The following CERKL variants were observed in gnomAD, a reference collection of about 807,000 sequenced individuals.
The protein encoded by CERKL is ceramide kinase-like protein.
In CERKL, 61 loss-of-function variants were observed where a neutral mutation model predicts 63.4. The observed-to-expected ratio is 0.96, with a 90% CI of 0.78 to 1.19. The LOEUF (loss-of-function observed/expected upper bound fraction) is 1.19. CERKL is among the 50% of genes most tolerant of loss of function. The pLI is 0.00. For missense variants in CERKL, 675 were observed against 655.5 expected, an observed-to-expected ratio of 1.03 and a Z score of -0.33; for synonymous variants, 250 against 230.5, an observed-to-expected ratio of 1.08 and a Z score of -0.77.
rs184376027 is a variant in CERKL, at chr2:181,565,572, T to C, written c.677+486A>G. 3.5e-3 allele frequency: 4,142 copies of C among 1,179,918 alleles called. 44 individuals are homozygous for C. The highest frequency in any genetic ancestry group is 0.023 in the South Asian group (1,884 of 81,362). The allele number at this position is 1,179,918 out of a possible 1,614,324, so 73.1% of individuals were successfully genotyped here. A position where few individuals can be genotyped will look rare whatever the true frequency, so the allele number is the denominator to read the frequency against. ...ATGAGATAATTAAAATTATTTCTTA[T>C]TGTTTCTGGAAATAATGTATTTATT... On this transcript the variant is annotated intron_variant, in intron 4 of 12. Transcript: ENST00000410087.
chr2:181,548,368 A>G (rs953888852), intron 8 of CERKL, 177 bp downstream of exon 8: 1 of 604,502 alleles, frequency 1.7e-6, no homozygotes, highest in African/African-American at 1.9e-5. Context: ...GGAAAAAGAG[A>G]AAAAGGCTGA....
At chr2:181,640,187 A>C (rs1217806772) in intron 1 of CERKL, among the ~76,000 whole-genome samples, 3 of 152,262 alleles carry the variant, frequency 2.0e-5, no homozygotes, top group African/African-American at 7.2e-5. Context: ...TGCATGCCAA[A>C]AGTTTGCAAA....
intron 2 of CERKL, among the ~76,000 whole-genome samples, chr2:181,593,892 T>C (rs890714730): frequency 6.6e-6 from 1 of 151,866 alleles, no homozygotes; most frequent in Admixed American, 6.6e-5. Flanking sequence ...AAAGAATGTA[T>C]TTTTGAATCA....
At chr2:181,601,589 A>G (rs771743163) in intron 2 of CERKL, among the ~76,000 whole-genome samples, 9 of 152,168 alleles carry the variant, frequency 5.9e-5, no homozygotes, top group Non-Finnish European at 1.3e-4. Flanking sequence ...AAATTTTTTA[A>G]AAGTGCCAGT....
Position 181,616,427 on chromosome 2 carries a change from C to T in CERKL, c.239-12348G>A, listed in dbSNP as rs113212543. The stretch of plus-strand genomic sequence containing the variant: ...CGGTGTTTCACTGTGTTAGCCAGGA[C>T]GGTCTCAATCTCCTGACCTCGTGAT... On this transcript the variant is annotated intron_variant, in intron 1 of 12. Coordinates refer to ENST00000410087, the MANE Select transcript of CERKL (RefSeq NM_201548.5). Among the ~76,000 whole-genome samples, 311 of 151,848 alleles carry T rather than the reference C, an allele frequency of 2.0e-3. 1 individual carries two copies. Among genetic ancestry groups the T allele is most frequent in the Admixed American group, 4.7e-3 (71 of 15,254 alleles).
At chr2:181,541,899 T>G (rs1033300119) in intron 11 of CERKL, among the ~76,000 whole-genome samples, 4 of 152,200 alleles carry the variant, frequency 2.6e-5, no homozygotes, top group Non-Finnish European at 5.9e-5. Flanking sequence ...TGTAGACATG[T>G]TGGCCTCCAG....
intron 11 of CERKL, among the ~76,000 whole-genome samples, chr2:181,543,983 C>CAAAAAAAAAAAAAAAAA (rs11450338): frequency 8.5e-6 from 1 of 118,214 alleles, no homozygotes; most frequent in African/African-American, 3.2e-5. Context: ...GGCTCTAACT[C>CAAAAAAAAAAAAAAAAA]AAAAAAAAAA....
intron 2 of CERKL, among the ~76,000 whole-genome samples, chr2:181,595,300 A>G (rs1274932349): frequency 6.6e-6 from 1 of 152,164 alleles, no homozygotes; most frequent in East Asian, 1.9e-4. Flanking sequence ...AGAAATCTCA[A>G]TAATAGCAAC....
chr2:181,575,923 G>C (rs1239384217), intron 2 of CERKL, among the ~76,000 whole-genome samples: 3 of 152,124 alleles, frequency 2.0e-5, no homozygotes, highest in Non-Finnish European at 4.4e-5. Context: ...ATCAGCAACA[G>C]AGTTCACCTC....
intron 3 of CERKL, among the ~76,000 whole-genome samples, chr2:181,572,788 T>TTTTTTTC (rs1688964682): frequency 6.6e-6 from 1 of 150,840 alleles, no homozygotes; most frequent in Non-Finnish European, 1.5e-5. Context: ...TGCTTTTTTT[T>TTTTTTTC]TTTTTTTGAA....
At chr2:181,590,858 A>C (rs1249424264) in intron 2 of CERKL, among the ~76,000 whole-genome samples, 1 of 152,196 alleles carries the variant, frequency 6.6e-6, no homozygotes, top group Non-Finnish European at 1.5e-5. Flanking sequence ...AACCCCATGG[A>C]AAGGAATTTA....
At chr2:181,649,921 G>C (rs1053707509) in intron 1 of CERKL, 1 of 152,540 alleles carries the variant, frequency 6.6e-6, no homozygotes, top group Admixed American at 6.6e-5. Flanking sequence ...AATTTAACCA[G>C]GCACAGTGAC....
Position 181,537,239 on chromosome 2 carries a change from G to GGAAATT in CERKL, c.*939_*944dup, listed in dbSNP as rs1240189161. 6.6e-6 allele frequency: 3 copies of GGAAATT among 453,680 alleles called. No individual in the cohort carries two copies. The highest frequency in any genetic ancestry group is 3.1e-5 in the South Asian group (2 of 64,468). 28.1% of individuals were successfully genotyped at this position (453,680 alleles called of 1,614,324 possible). The stretch of plus-strand genomic sequence containing the variant: ...CTGTCTTCTCCAGGATGGTCTCTAA[G>GGAAATT]GAAATTTACATTTGGTTCTTTCCTA... On this transcript the variant is annotated 3_prime_UTR_variant, in exon 13 of 13. Transcript: ENST00000410087.
chr2:181,629,108 T>C (rs552721083), intron 1 of CERKL, among the ~76,000 whole-genome samples: 13 of 152,222 alleles, frequency 8.5e-5, no homozygotes, highest in East Asian at 1.9e-4. Context: ...AACACAATTA[T>C]ATCATTTTTC....
Position 181,536,906 on chromosome 2 carries a change from T to C in CERKL, c.*1278A>G, listed in dbSNP as rs1470979547. The C allele has an allele frequency of 2.2e-6, 1 of 453,430 alleles. No homozygotes were observed. The highest frequency in any genetic ancestry group is 2.4e-5 in the Admixed American group (1 of 42,470). The allele number at this position is 453,430 out of a possible 1,614,324, so 28.1% of individuals were successfully genotyped here. A position where few individuals can be genotyped will look rare whatever the true frequency, so the allele number is the denominator to read the frequency against. On this transcript the variant is annotated 3_prime_UTR_variant, in exon 13 of 13. Coordinates refer to ENST00000410087, the MANE Select transcript of CERKL (RefSeq NM_201548.5). Reference sequence around the variant, plus strand: ...AGGGAGTGATCAAATTAGAAGGCAATGTGGAAAAACAATTCTGGGAAAGAT... The same window carrying C: ...AGGGAGTGATCAAATTAGAAGGCAACGTGGAAAAACAATTCTGGGAAAGAT...
At chr2:181,632,465 A>G (rs897653151) in intron 1 of CERKL, among the ~76,000 whole-genome samples, 1 of 152,220 alleles carries the variant, frequency 6.6e-6, no homozygotes, top group African/African-American at 2.4e-5. Flanking sequence ...TAACTTTGCT[A>G]TTCTTCAATT....
chr2:181,562,623 C>A (rs1418587642), intron 4 of CERKL, among the ~76,000 whole-genome samples: 1 of 152,142 alleles, frequency 6.6e-6, no homozygotes, highest in Admixed American at 6.5e-5. Flanking sequence ...TTGCATGTGA[C>A]AAATCTTGTT....
At chr2:181,614,283 G>T (rs1426334581) in intron 1 of CERKL, among the ~76,000 whole-genome samples, 1 of 152,030 alleles carries the variant, frequency 6.6e-6, no homozygotes, top group African/African-American at 2.4e-5. Flanking sequence ...AATCTAAAAA[G>T]GTCTTTCTTT....
intron 2 of CERKL, among the ~76,000 whole-genome samples, chr2:181,591,870 A>T (rs1685003287): frequency 6.6e-6 from 1 of 152,162 alleles, no homozygotes; most frequent in Admixed American, 6.6e-5. Context: ...TTGGTTTCCC[A>T]ATACTGTTCC....
Sources: allele counts gnomAD v4.1 joint callset (sites outside exome capture counted in the v4.1 genomes callset), GRCh38; gene constraint gnomAD v4.1.1; transcripts MANE v1.5; gene names NCBI Gene and HGNC (gene_info 2026-07-23, HGNC 2026-07-21).